LILRB3: variants seen among roughly 807,000 people sequenced by gnomAD.
LILRB3 encodes the protein leukocyte immunoglobulin-like receptor subfamily B member 3.
LILRB3 carries 32 observed loss-of-function variants against 68.2 expected under a neutral mutation model. The ratio of observed to expected loss-of-function variants is 0.47; its 90% CI spans 0.35 to 0.63. The LOEUF (loss-of-function observed/expected upper bound fraction) is 0.63. LILRB3 is among the 30% of genes least tolerant of loss of function. The pLI, the probability that LILRB3 is intolerant of heterozygous loss-of-function variation, is 0.00. For synonymous variants in LILRB3, 185 were observed against 323.1 expected (o/e 0.57, Z 4.58); for missense variants, 502 against 791.3 (o/e 0.63, Z 4.39).
chr19:54,217,051 G>C (rs2077524166), exon 13 of LILRB3: 6 of 1,614,094 alleles, frequency 3.7e-6, no homozygotes, highest in Non-Finnish European at 5.1e-6. Context: ...CAGCAGTCCT[G>C]AGTCTCCTTC....
intron 7 of LILRB3, chr19:54,219,658 C>T: frequency 6.7e-7 from 1 of 1,483,056 alleles, no homozygotes; most frequent in South Asian, 1.4e-5. Flanking sequence ...CCTGGGAGGC[C>T]TCCTCTCCCA....
chr19:54,222,580 G>C lies in LILRB3; in HGVS notation c.71-18C>G. The C allele has an allele frequency of 6.2e-7, 1 of 1,610,484 alleles. No individual in the cohort carries two copies. Among genetic ancestry groups the C allele is most frequent in the African/African-American group, 1.4e-5 (1 of 73,488 alleles). On this transcript the variant is annotated intron_variant, in intron 2 of 12. Coordinates refer to ENST00000445347, the Ensembl canonical transcript of LILRB3. Reference sequence around the variant, plus strand: ...GAAGGGCCCTAGATGGAAATCAGAGGCTGGATCCCAAGACATCCCCACGCT... The same window carrying C: ...GAAGGGCCCTAGATGGAAATCAGAGCCTGGATCCCAAGACATCCCCACGCT...
chr19:54,222,213 C>A, intron 3 of LILRB3, 65 bp downstream of exon 3: 1 of 1,611,312 alleles, frequency 6.2e-7, no homozygotes, highest in South Asian at 1.1e-5. Context: ...AGGGAGACGC[C>A]CCTGAGAGCC....
exon 5 of LILRB3, chr19:54,221,160 T>A: frequency 7.8e-7 from 1 of 1,287,066 alleles, no homozygotes; most frequent in East Asian, 3.2e-5. Flanking sequence ...GCACCTGTAC[T>A]GGCCCCCGTA....
rs149232203 is a variant in LILRB3 at position 54,218,370 on chromosome 19, C to T, written c.1584G>A (p.Leu528=). ...CGGGGCGGGATCTCACCTGACTGTC[C>T]AGCTCCACCCTGTCCTCAGACTGTG... Residue 528 remains leucine (L), a synonymous_variant, in exon 11 of 13, where the codon CTG becomes CTA. Coordinates refer to ENST00000445347, the Ensembl canonical transcript of LILRB3. 2,882 of 1,614,130 alleles carry T rather than the reference C, an allele frequency of 1.8e-3. 7 individuals are homozygous for T. Among genetic ancestry groups the T allele is most frequent in the South Asian group, 2.2e-3 (201 of 91,082 alleles).
chr19:54,219,552 T>C, intron 7 of LILRB3: 1 of 1,550,324 alleles, frequency 6.5e-7, no homozygotes, highest in Non-Finnish European at 8.7e-7. Context: ...CTGACCGTCC[T>C]GAACCACGGC....
In LILRB3 at chr19:54,221,949, G is replaced by A. The variant is rs1392640297; in HGVS notation, c.537C>T (p.Ala179=). 7 of 1,604,452 alleles carry A rather than the reference G, an allele frequency of 4.4e-6. No homozygotes were observed. In the Admixed American group the frequency reaches 8.5e-5, roughly 19 times the overall value. ...GGGTCACGGGGCCCACAGGGAACAG[G>A]GCCTGGAACCCCCCACTGTGGAGCT... The change falls in exon 4 of 13, where the codon GCC becomes GCT. Residue 179 remains alanine (A), a synonymous_variant. Transcript: ENST00000445347.
In LILRB3 at chr19:54,222,738, C is replaced by T; in HGVS notation, c.70+9G>A. On this transcript the variant is annotated intron_variant, in intron 2 of 12. Coordinates refer to ENST00000445347, the Ensembl canonical transcript of LILRB3. ...AGTAGGGACCTGGGACAGCTGGGGA[C>T]AGACTCACCTGCCTGCATGCGGGTC... The T allele has an allele frequency of 6.2e-7, 1 of 1,612,586 alleles. No individual in the cohort carries two copies. Among genetic ancestry groups the T allele is most frequent in the South Asian group, 1.1e-5 (1 of 91,034 alleles).
rs764955260 is a variant in LILRB3 at position 54,218,351 on chromosome 19, G to A, written c.1593+10C>T. 86 of 1,613,946 alleles carry A rather than the reference G, an allele frequency of 5.3e-5. No individual in the cohort carries two copies. The highest frequency in any genetic ancestry group is 9.9e-5 in the South Asian group (9 of 91,066). ...AGGCCTTTGGTGCCTGGGACGGGGC[G>A]GGATCTCACCTGACTGTCCAGCTCC... On this transcript the variant is annotated intron_variant, in intron 11 of 12. Coordinates refer to ENST00000445347, the Ensembl canonical transcript of LILRB3.
At chr19:54,218,042 G>T (rs528330063) in intron 11 of LILRB3, among the ~76,000 whole-genome samples, 1 of 132,532 alleles carries the variant, frequency 7.5e-6, no homozygotes, top group South Asian at 2.2e-4. Flanking sequence ...GGGAACACTC[G>T]CTGGATGAAT....
chr19:54,218,013 C>G (rs565906451), intron 11 of LILRB3, among the ~76,000 whole-genome samples: 3,150 of 120,728 alleles, frequency 0.026, 73 homozygotes, highest in African/African-American at 0.062. Flanking sequence ...TGGGGAGCCC[C>G]ATCCACAGTG....
Position 54,218,393 on chromosome 19 carries a change from G to GT in LILRB3, c.1560dup (p.Gln521ThrfsTer3). ...TCCAGCTCCACCCTGTCCTCAGACTGTGTGTCCTTCACAGCAGCATCTGCT... is the reference window on the plus strand; with the variant it reads ...TCCAGCTCCACCCTGTCCTCAGACTGTTGTGTCCTTCACAGCAGCATCTGCT... On this transcript the variant is annotated frameshift_variant, in exon 11 of 13. Transcript: ENST00000445347. LOFTEE classifies it high-confidence loss of function. 6.2e-7 allele frequency: 1 copy of GT among 1,614,154 alleles called. No individual in the cohort carries two copies. The highest frequency in any genetic ancestry group is 8.5e-7 in the Non-Finnish European group (1 of 1,179,998).
chr19:54,219,615 A>G, intron 7 of LILRB3: 1 of 1,529,014 alleles, frequency 6.5e-7, no homozygotes, highest in Non-Finnish European at 8.8e-7. Flanking sequence ...GTGGGACGGG[A>G]CAGGCCCCTG....
intron 7 of LILRB3, chr19:54,219,521 C>T: frequency 6.5e-7 from 1 of 1,550,378 alleles, no homozygotes; most frequent in Non-Finnish European, 8.7e-7. Flanking sequence ...GAGCCGAGAC[C>T]CGGAGCTGCA....
intron 7 of LILRB3, 176 bp downstream of exon 7, chr19:54,219,979 C>G (rs45596336): frequency 0.17 from 215,280 of 1,282,836 alleles, 59,063 homozygotes; most frequent in Middle Eastern, 0.22. Flanking sequence ...CAGCCCGGCT[C>G]CTCCTCCTGG....
chr19:54,221,874 G>C, exon 4 of LILRB3: 1 of 1,528,636 alleles, frequency 6.5e-7, no homozygotes. Flanking sequence ...ACCACACCCA[G>C]GGGGTGTTTG....
chr19:54,219,563 C>T (rs2077871593), intron 7 of LILRB3: 11 of 1,549,534 alleles, frequency 7.1e-6, no homozygotes, highest in East Asian at 2.4e-5. Context: ...GAACCACGGC[C>T]CTGCTCCCCT....
At chr19:54,218,735 G>C in intron 9 of LILRB3, 28 bp downstream of exon 9, 1 of 1,614,096 alleles carries the variant, frequency 6.2e-7, no homozygotes, top group Non-Finnish European at 8.5e-7. Flanking sequence ...TGGTGGGTGG[G>C]AGTCTGTGGT....
At chr19:54,218,884 C>T in intron 8 of LILRB3, 46 bp from the exon 9 acceptor site, 1 of 1,613,038 alleles carries the variant, frequency 6.2e-7, no homozygotes, top group Non-Finnish European at 8.5e-7. Context: ...CATTAGAACT[C>T]CCATTCTACA....
Sources: allele counts gnomAD v4.1 joint callset (sites outside exome capture counted in the v4.1 genomes callset), GRCh38; gene constraint gnomAD v4.1.1; transcripts MANE v1.5; gene names NCBI Gene and HGNC (gene_info 2026-07-23, HGNC 2026-07-21).